Variants in TGDS observed in about 807,000 individuals in gnomAD.
TGDS encodes UDP-D-glucose 4,6-dehydratase.
A neutral mutation model predicts 52.3 loss-of-function variants in TGDS; 47 were observed. The observed-to-expected ratio is 0.90, with a 90% CI of 0.71 to 1.15. The LOEUF is 1.15. TGDS is among the 50% of genes most tolerant of loss of function. The pLI, the probability that TGDS is intolerant of heterozygous loss-of-function variation, is 0.00. For missense variants in TGDS, 375 were observed against 418.4 expected (o/e 0.90, Z 0.90); for synonymous variants, 115 against 136.9 (o/e 0.84, Z 1.12).
chr13:94,594,186 C>T lies in TGDS; in HGVS notation c.87-279G>A, dbSNP rs1112370. On this transcript the variant is annotated intron_variant, in intron 1 of 11. Coordinates refer to ENST00000261296, the MANE Select transcript of TGDS (RefSeq NM_014305.4). ...AGGGAAAAAAGTCAGTTTAACCAAA[C>T]GATGCCATCCATACAGGTACAAGTA... 0.71 allele frequency among the ~76,000 whole-genome samples: 107,990 copies of T among 152,076 alleles called. 39,181 individuals carry two copies. The highest frequency in any genetic ancestry group is 0.86 in the African/African-American group (35,621 of 41,512).
chr13:94,583,760 C>G (rs1888884428), intron 4 of TGDS, among the ~76,000 whole-genome samples: 1 of 151,790 alleles, frequency 6.6e-6, no homozygotes, highest in South Asian at 2.1e-4. Context: ...GGTTAAAAAA[C>G]TAAAAACAAA....
intron 5 of TGDS, among the ~76,000 whole-genome samples, chr13:94,581,729 T>C (rs565556870): frequency 2.5e-4 from 38 of 152,312 alleles, no homozygotes; most frequent in Non-Finnish European, 4.6e-4. Context: ...TCACTGTAAG[T>C]CTTTTCAGAC....
chr13:94,591,091 C>G (rs1889185739), intron 3 of TGDS, 148 bp from the exon 4 acceptor site: 1 of 601,902 alleles, frequency 1.7e-6, no homozygotes. Context: ...AACAAGGATA[C>G]CAATGATGTA....
In TGDS at chr13:94,578,120, T is replaced by C; in HGVS notation, c.710A>G (p.Asp237Gly). 1 of 1,613,806 alleles carries C rather than the reference T, an allele frequency of 6.2e-7. No individual in the cohort carries two copies. The highest frequency in any genetic ancestry group is 8.5e-7 in the Non-Finnish European group (1 of 1,179,830). ...GACAGTGAGAAATGCTTCTACAACA[T>C]CAGTAGCATAAAGGAAGTTTCTTGT... ...LQTRNFLYATDVVEAFLTVLK... is the reference protein window; with the variant it reads ...LQTRNFLYATGVVEAFLTVLK... Residue 237 changes from aspartate (D) to glycine (G), a missense_variant, in exon 9 of 12, where the codon GAT (aspartate) becomes GGT (glycine). Coordinates refer to ENST00000261296, the MANE Select transcript of TGDS (RefSeq NM_014305.4).
At chr13:94,594,195 C>T (rs1889298117) in intron 1 of TGDS, among the ~76,000 whole-genome samples, 1 of 152,164 alleles carries the variant, frequency 6.6e-6, no homozygotes, top group African/African-American at 2.4e-5. Context: ...ACGATGCCAT[C>T]CATACAGGTA....
intron 2 of TGDS, among the ~76,000 whole-genome samples, chr13:94,593,084 G>T (rs1889264140): frequency 6.6e-6 from 1 of 152,096 alleles, no homozygotes; most frequent in Non-Finnish European, 1.5e-5. Flanking sequence ...AACCCAGGAG[G>T]TGGAGGTTGC....
chr13:94,594,755 C>A (rs908784733), intron 1 of TGDS, among the ~76,000 whole-genome samples: 7 of 152,180 alleles, frequency 4.6e-5, no homozygotes, highest in Non-Finnish European at 1.0e-4. Flanking sequence ...TGATGCTCTC[C>A]CCCAAATGAC....
chr13:94,590,074 T>C (rs958813623), intron 4 of TGDS, among the ~76,000 whole-genome samples: 1 of 151,384 alleles, frequency 6.6e-6, no homozygotes, highest in African/African-American at 2.4e-5. Context: ...ACTGGAATAT[T>C]ATGACACTGA....
Position 94,574,645 on chromosome 13 carries a change from T to C in TGDS, c.*137A>G. 1 of 571,932 alleles carries C rather than the reference T, an allele frequency of 1.7e-6. No homozygotes were observed. Among genetic ancestry groups the C allele is most frequent in the South Asian group, 2.5e-5 (1 of 40,404 alleles). 35.4% of individuals were successfully genotyped at this position (571,932 alleles called of 1,614,324 possible). ...TCCCAAAGATTGAGGCATTCTGCAT[T>C]TGAATTTTATACAGAAAGTCATGAA... On this transcript the variant is annotated 3_prime_UTR_variant, in exon 12 of 12. Coordinates refer to ENST00000261296, the MANE Select transcript of TGDS (RefSeq NM_014305.4).
chr13:94,589,770 G>A (rs1889126552), intron 4 of TGDS, among the ~76,000 whole-genome samples: 1 of 152,168 alleles, frequency 6.6e-6, no homozygotes, highest in South Asian at 2.1e-4. Context: ...AAAATGGAAA[G>A]ACTGACAAAA....
intron 4 of TGDS, among the ~76,000 whole-genome samples, chr13:94,590,180 T>C (rs1048635527): frequency 8.8e-5 from 13 of 147,786 alleles, no homozygotes; most frequent in Non-Finnish European, 4.5e-5. Context: ...TATATATATA[T>C]AAAATATATA....
upstream of TGDS, chr13:94,596,255 G>C (rs1175091060): frequency 4.4e-6 from 5 of 1,140,410 alleles, no homozygotes; most frequent in Non-Finnish European, 6.1e-6. Context: ...AGCAGCCAGA[G>C]GCAGCTTCCG....
At chr13:94,580,033 A>C (rs1426971252) in intron 6 of TGDS, 80 bp from the exon 7 acceptor site, 4 of 907,518 alleles carry the variant, frequency 4.4e-6, no homozygotes, top group Non-Finnish European at 6.8e-6. Flanking sequence ...GAATTTCAAA[A>C]TATGGGCACC....
chr13:94,587,876 A>G (rs1467634874), intron 4 of TGDS, among the ~76,000 whole-genome samples: 2 of 151,574 alleles, frequency 1.3e-5, no homozygotes, highest in Admixed American at 1.3e-4. Context: ...GGGCGCCTGT[A>G]GTCCCAGCTA....
At position 94,581,071 on chromosome 13, in the gene TGDS, T is replaced by C; in HGVS notation, c.555+20A>G. On this transcript the variant is annotated intron_variant, in intron 6 of 11. Transcript: ENST00000261296. Reference sequence around the variant, plus strand: ...AGTCCAAAGGAAAATGTTTCAAGAGTTTCTGCAATCAGTTCTTACCTTATA... The same window carrying C: ...AGTCCAAAGGAAAATGTTTCAAGAGCTTCTGCAATCAGTTCTTACCTTATA... 7.4e-7 allele frequency: 1 copy of C among 1,352,492 alleles called. No homozygotes were observed. The highest frequency in any genetic ancestry group is 9.9e-7 in the Non-Finnish European group (1 of 1,010,356). The allele number at this position is 1,352,492 out of a possible 1,614,324, so 83.8% of individuals were successfully genotyped here. A position where few individuals can be genotyped will look rare whatever the true frequency, so the allele number is the denominator to read the frequency against.
intron 3 of TGDS, 68 bp downstream of exon 3, chr13:94,592,173 A>C (rs1889222755): frequency 8.4e-7 from 1 of 1,190,008 alleles, no homozygotes; most frequent in Admixed American, 2.7e-5. Context: ...AAGTTTGTAA[A>C]GTACAAAGAT....
chr13:94,592,684 G>C (rs1392656734), intron 2 of TGDS, among the ~76,000 whole-genome samples: 1 of 152,096 alleles, frequency 6.6e-6, no homozygotes, highest in African/African-American at 2.4e-5. Flanking sequence ...TTGACCTCCT[G>C]ACCTTGTGAT....
At chr13:94,580,066 C>T in intron 6 of TGDS, 113 bp from the exon 7 acceptor site, 3 of 615,702 alleles carry the variant, frequency 4.9e-6, no homozygotes, top group East Asian at 3.0e-5. Flanking sequence ...ATTCCACACA[C>T]CTTAAGGTCA....
At chr13:94,580,904 C>T (rs1293749876) in intron 6 of TGDS, among the ~76,000 whole-genome samples, 187 bp downstream of exon 6, 4 of 151,980 alleles carry the variant, frequency 2.6e-5, no homozygotes, top group South Asian at 2.1e-4. Flanking sequence ...TCTGGGAGGC[C>T]GAGGTGGGCA....
Sources: gnomAD v4.1 joint callset for allele counts (sites outside exome capture counted in the v4.1 genomes callset) on GRCh38, gnomAD v4.1.1 for gene constraint, MANE v1.5 for transcripts, NCBI Gene and HGNC (gene_info 2026-07-23, HGNC 2026-07-21) for gene names.